The following EMX2 variants were observed in gnomAD, a reference collection of about 807,000 sequenced individuals.
The protein encoded by EMX2 is empty spiracles homeobox 2, also known as homeobox protein EMX2.
Under a neutral mutation model 23.0 loss-of-function variants are expected in EMX2, and 6 were observed. The observed-to-expected ratio is 0.26, with a 90% CI of 0.14 to 0.52. The LOEUF (loss-of-function observed/expected upper bound fraction) is 0.52, where lower values mean the gene tolerates loss of function less well. Among genes scored for constraint, EMX2 ranks in the 20% least tolerant of loss-of-function variants. The probability of loss-of-function intolerance (pLI) is 0.97; values close to 1 mark genes in which losing one functional copy is unlikely to be tolerated. For synonymous variants in EMX2, 175 were observed against 153.3 expected (o/e 1.14, Z -1.04); for missense variants, 302 against 341.4 (o/e 0.88, Z 0.91).
chr10:117,546,766 CT>C (rs1260462763), intron 2 of EMX2, among the ~76,000 whole-genome samples: 3 of 152,254 alleles, frequency 2.0e-5, no homozygotes, highest in African/African-American at 7.2e-5. Flanking sequence ...CGACGCGCGC[CT>C]TGGGCCAGCG....
rs1303194856 is a variant in EMX2 at position 117,548,334 on chromosome 10, A to T, written c.*102A>T. The T allele has an allele frequency of 1.4e-6, 2 of 1,447,078 alleles. No homozygotes were observed. Among genetic ancestry groups the T allele is most frequent in the African/African-American group, 2.9e-5 (2 of 69,902 alleles). 89.6% of individuals were successfully genotyped at this position (1,447,078 alleles called of 1,614,324 possible). A position where few individuals can be genotyped will look rare whatever the true frequency, so the allele number is the denominator to read the frequency against. ...TACAAAACAAAAACAAACCGCATAC[A>T]CGTTCACCGAGAAAGGGAGAGGGAA... On this transcript the variant is annotated 3_prime_UTR_variant, in exon 3 of 3. Transcript: ENST00000553456.
In EMX2 at chr10:117,548,801, C is replaced by T. The variant is rs974191210; in HGVS notation, c.*569C>T. On this transcript the variant is annotated 3_prime_UTR_variant, in exon 3 of 3. Coordinates refer to ENST00000553456, the MANE Select transcript of EMX2 (RefSeq NM_004098.4). ...TAAAAAACAAAAATTCCATATCTAGCCCCATCCCACACCTGTTTCAAATCC... is the reference window on the plus strand; with the variant it reads ...TAAAAAACAAAAATTCCATATCTAGTCCCATCCCACACCTGTTTCAAATCC... The T allele has an allele frequency of 1.7e-5, 7 of 403,888 alleles. No individual in the cohort carries two copies. The highest frequency in any genetic ancestry group is 3.0e-5 in the Non-Finnish European group (7 of 229,520). The allele number at this position is 403,888 out of a possible 1,614,324, so 25.0% of individuals were successfully genotyped here. A position where few individuals can be genotyped will look rare whatever the true frequency, so the allele number is the denominator to read the frequency against.
Position 117,543,808 on chromosome 10 carries a change from G to A in EMX2, c.406+135G>A, listed in dbSNP as rs1846534163. On this transcript the variant is annotated intron_variant, in intron 1 of 2. Transcript: ENST00000553456. ...CTCGCGGGCCAGCGCGCCCTGTTGG[G>A]AAACTAGGCGGCGCGGGGCCGGGCG... The A allele has an allele frequency of 2.1e-6, 3 of 1,400,784 alleles. No individual in the cohort carries two copies. The East Asian group carries it at 7.1e-5, about 33-fold the overall frequency. 86.8% of individuals were successfully genotyped at this position (1,400,784 alleles called of 1,614,324 possible).
In EMX2 at chr10:117,548,159, A is replaced by G. The variant is rs565607882; in HGVS notation, c.686A>G (p.His229Arg). The part of the protein sequence containing the change: ...SDSQQKKKGT[H>R]HINRWRIATK... ...TCGCAACAAAAGAAAAAAGGGACGCACCATATTAACCGGTGGAGAATCGCC... is the reference window on the plus strand; with the variant it reads ...TCGCAACAAAAGAAAAAAGGGACGCGCCATATTAACCGGTGGAGAATCGCC... The change falls in exon 3 of 3, where the codon CAC becomes CGC. Residue 229 changes from histidine to arginine, a missense_variant. This residue lies in a region of EMX2 where 42 missense variants were observed against 49.3 expected (regional missense o/e 0.85). Coordinates refer to ENST00000553456, the MANE Select transcript of EMX2 (RefSeq NM_004098.4). 6.2e-7 allele frequency: 1 copy of G among 1,614,042 alleles called. No individual in the cohort carries two copies. The highest frequency in any genetic ancestry group is 1.3e-5 in the African/African-American group (1 of 75,026).
At position 117,543,327 on chromosome 10, in the gene EMX2, T is replaced by C. The variant is rs752753584; in HGVS notation, c.60T>C (p.Ser20=). The C allele has an allele frequency of 5.5e-5, 86 of 1,553,028 alleles. No homozygotes were observed. Among genetic ancestry groups the C allele is most frequent in the Non-Finnish European group, 4.2e-5 (48 of 1,148,686 alleles). Residue 20 remains serine, a synonymous_variant, in exon 1 of 3, where the codon AGT becomes AGC. Transcript: ENST00000553456. ...FTIESLVAKD[S]PLPASRSEDP... is the part of the protein sequence containing the mutation. ...TCGAGTCGCTGGTGGCCAAGGACAG[T>C]CCCCTGCCCGCCTCGCGCTCCGAGG...
rs1047283428 is a variant in EMX2 at position 117,549,247 on chromosome 10, C to G, written c.*1015C>G. ...GAAATTGGCCGAGTTCAACCATTCA[C>G]TGCAATGCCTATTCCAAACTTTAAA... On this transcript the variant is annotated 3_prime_UTR_variant, in exon 3 of 3. Coordinates refer to ENST00000553456, the MANE Select transcript of EMX2 (RefSeq NM_004098.4). 6.6e-6 allele frequency: 1 copy of G among 152,662 alleles called. No homozygotes were observed. The highest frequency in any genetic ancestry group is 1.5e-5 in the Non-Finnish European group (1 of 68,064). 9.5% of individuals were successfully genotyped at this position (152,662 alleles called of 1,614,324 possible).
intron 2 of EMX2, among the ~76,000 whole-genome samples, chr10:117,547,521 C>T (rs562911711): frequency 6.7e-4 from 102 of 152,298 alleles, no homozygotes; most frequent in African/African-American, 2.3e-3. Flanking sequence ...TCAGGCAAAC[C>T]CTGATCGCCT....
rs974040153 is a variant in EMX2, at chr10:117,543,007, T to C, written c.-261T>C. On this transcript the variant is annotated 5_prime_UTR_variant, in exon 1 of 3. Coordinates refer to ENST00000553456, the MANE Select transcript of EMX2 (RefSeq NM_004098.4). Reference sequence around the variant, plus strand: ...CCTGCAAATTCTTCTGGAAGGATTTTCCCCCCTCTCTTCAGGTTGGGCGCG... The same window carrying C: ...CCTGCAAATTCTTCTGGAAGGATTTCCCCCCCTCTCTTCAGGTTGGGCGCG... The C allele has an allele frequency of 2.7e-5, 11 of 407,200 alleles. No individual in the cohort carries two copies. Among genetic ancestry groups the C allele is most frequent in the South Asian group, 2.5e-4 (3 of 12,070 alleles). 25.2% of individuals were successfully genotyped at this position (407,200 alleles called of 1,614,324 possible).
rs902371160 is a variant in EMX2 at position 117,542,827 on chromosome 10, A to T, written c.-441A>T. 8.9e-6 allele frequency: 1 copy of T among 112,238 alleles called. No individual in the cohort carries two copies. Among genetic ancestry groups the T allele is most frequent in the Non-Finnish European group, 1.8e-5 (1 of 54,176 alleles). 7.0% of individuals were successfully genotyped at this position (112,238 alleles called of 1,614,324 possible). On this transcript the variant is annotated 5_prime_UTR_variant, in exon 1 of 3. Coordinates refer to ENST00000553456, the MANE Select transcript of EMX2 (RefSeq NM_004098.4). ...CTGCCCGCCTTTTGCAGAGGAGAAAAAACTTTTTTTTTTTTTTGCCTCCCC... is the reference window on the plus strand; with the variant it reads ...CTGCCCGCCTTTTGCAGAGGAGAAATAACTTTTTTTTTTTTTTGCCTCCCC...
intron 1 of EMX2, chr10:117,545,171 C>T (rs954164056): frequency 2.5e-5 from 4 of 156,914 alleles, no homozygotes; most frequent in African/African-American, 9.6e-5. Flanking sequence ...AATAAATCTC[C>T]ATGAAAACTC....
intron 1 of EMX2, chr10:117,545,112 G>C (rs1323589181): frequency 1.3e-5 from 2 of 152,208 alleles, no homozygotes; most frequent in Non-Finnish European, 2.9e-5. Context: ...TCAACGACTC[G>C]CCCCGCCTCT....
chr10:117,543,148 C>CCCCCCCCCCCA lies in EMX2; in HGVS notation c.-120_-119insCCCCCCCCCCA. The CCCCCCCCCCCA allele has an allele frequency of 4.9e-6, 1 of 203,850 alleles. No individual in the cohort carries two copies. The highest frequency in any genetic ancestry group is 8.5e-6 in the Non-Finnish European group (1 of 118,062). The allele number at this position is 203,850 out of a possible 1,614,324, so 12.6% of individuals were successfully genotyped here. On this transcript the variant is annotated 5_prime_UTR_variant, in exon 1 of 3. Transcript: ENST00000553456. ...CTTTCCTTCCCCCCACCCCCACCCCCACCCCAAACAAACGAGTCCCCAATT... is the reference window on the plus strand; with the variant it reads ...CTTTCCTTCCCCCCACCCCCACCCCCCCCCCCCCCCAACCCCAAACAAACGAGTCCCCAATT...
chr10:117,544,380 T>TAA lies in EMX2; in HGVS notation c.406+721_406+722dup, dbSNP rs58443476. ...TGGTTTTTGTTTTTCTTTCTTTCTT[T>TAA]AAAAAAAAAAAAAAAGAACCTGGTC... is the stretch of plus-strand genomic sequence containing the variant. On this transcript the variant is annotated intron_variant, in intron 1 of 2. Coordinates refer to ENST00000553456, the MANE Select transcript of EMX2 (RefSeq NM_004098.4). 3.8e-3 allele frequency: 551 copies of TAA among 146,510 alleles called. 1 individual carries two copies. The highest frequency in any genetic ancestry group is 0.018 in the Middle Eastern group (5 of 280). 9.1% of individuals were successfully genotyped at this position (146,510 alleles called of 1,614,324 possible). A position where few individuals can be genotyped will look rare whatever the true frequency, so the allele number is the denominator to read the frequency against.
intron 2 of EMX2, 93 bp from the exon 3 acceptor site, chr10:117,547,972 G>A: frequency 6.6e-7 from 1 of 1,520,724 alleles, no homozygotes; most frequent in Non-Finnish European, 8.9e-7. Context: ...TGCTGAGTCT[G>A]GAACTGGAGT....
At chr10:117,545,552 G>C in intron 1 of EMX2, 80 bp from the exon 2 acceptor site, 1 of 1,580,482 alleles carries the variant, frequency 6.3e-7, no homozygotes, top group South Asian at 1.1e-5. Context: ...CACGGTGCCG[G>C]GCCAGCCCGG....
Position 117,548,336 on chromosome 10 carries a change from G to A in EMX2, c.*104G>A, listed in dbSNP as rs1295582977. ...CAAAACAAAAACAAACCGCATACAC[G>A]TTCACCGAGAAAGGGAGAGGGAATC... On this transcript the variant is annotated 3_prime_UTR_variant, in exon 3 of 3. Transcript: ENST00000553456. The A allele has an allele frequency of 4.1e-6, 6 of 1,471,242 alleles. No individual in the cohort carries two copies. The highest frequency in any genetic ancestry group is 5.5e-6 in the Non-Finnish European group (6 of 1,090,726). The allele number at this position is 1,471,242 out of a possible 1,614,324, so 91.1% of individuals were successfully genotyped here.
intron 2 of EMX2, among the ~76,000 whole-genome samples, chr10:117,546,969 G>A (rs2133970547): frequency 6.6e-6 from 1 of 152,368 alleles, no homozygotes; most frequent in Non-Finnish European, 1.5e-5. Flanking sequence ...ACTGGCACTG[G>A]GCTGTGGGGT....
intron 2 of EMX2, among the ~76,000 whole-genome samples, chr10:117,547,134 C>T (rs1424132039): frequency 1.3e-5 from 2 of 152,148 alleles, no homozygotes; most frequent in African/African-American, 2.4e-5. Context: ...CCTAGGGGGC[C>T]GTGGGATGGC....
Position 117,546,257 on chromosome 10 carries a change from G to T in EMX2, c.591+441G>T, listed in dbSNP as rs552958493. On this transcript the variant is annotated intron_variant, in intron 2 of 2. Coordinates refer to ENST00000553456, the MANE Select transcript of EMX2 (RefSeq NM_004098.4). Reference sequence around the variant, plus strand: ...CTGTGAGCCCACGGCTCACACCGTCGGCTCCAGTGACTTCCCTGAAGGAGA... The same window carrying T: ...CTGTGAGCCCACGGCTCACACCGTCTGCTCCAGTGACTTCCCTGAAGGAGA... 2.6e-5 allele frequency among the ~76,000 whole-genome samples: 4 copies of T among 152,276 alleles called. No individual in the cohort carries two copies. The East Asian group carries it at 7.8e-4, about 30-fold the overall frequency.
Sources: allele counts gnomAD v4.1 joint callset (sites outside exome capture counted in the v4.1 genomes callset), GRCh38; gene constraint gnomAD v4.1.1; regional missense constraint gnomAD v4.1.1; transcripts MANE v1.5; gene names NCBI Gene and HGNC (gene_info 2026-07-23, HGNC 2026-07-21).